TNFRSF14: variants seen among roughly 807,000 people sequenced by gnomAD.
The protein encoded by TNFRSF14 is TNF receptor superfamily member 14.
Under a neutral mutation model 34.1 loss-of-function variants are expected in TNFRSF14, and 18 were observed. The observed-to-expected ratio is 0.53, with a 90% confidence interval of 0.36 to 0.78. The LOEUF is 0.78. TNFRSF14 is among the 30% of genes least tolerant of loss of function. TNFRSF14 has a pLI of 0.00. For missense variants in TNFRSF14, 352 were observed against 379.5 expected (o/e 0.93, Z 0.60); for synonymous variants, 157 against 153.2 (o/e 1.02, Z -0.18).
In TNFRSF14 at chr1:2,561,934, G is replaced by A. The variant is rs1319191255; in HGVS notation, c.694+119G>A. Reference sequence around the variant, plus strand: ...TTCCAGGATCCGCGGCTCCTCCCAGGGCAGCCACTGCAGGCTGGGGCAGGT... The same window carrying A: ...TTCCAGGATCCGCGGCTCCTCCCAGAGCAGCCACTGCAGGCTGGGGCAGGT... On this transcript the variant is annotated intron_variant, in intron 6 of 7. Coordinates refer to ENST00000355716, the MANE Select transcript of TNFRSF14 (RefSeq NM_003820.4). This position sits in a 1 kb window ranked among gnomAD's most constrained non-coding sequence, Gnocchi z 6.0. 6 of 1,139,004 alleles carry A rather than the reference G, an allele frequency of 5.3e-6. No individual in the cohort carries two copies. The highest frequency in any genetic ancestry group is 7.5e-6 in the Non-Finnish European group (6 of 799,366). 70.6% of individuals were successfully genotyped at this position (1,139,004 alleles called of 1,614,324 possible).
chr1:2,560,287 A>G (rs2100854675), intron 4 of TNFRSF14, among the ~76,000 whole-genome samples: 1 of 152,234 alleles, frequency 6.6e-6, no homozygotes, highest in Non-Finnish European at 1.5e-5. Context: ...TATGGGAGTG[A>G]CCATGGTTAA....
At chr1:2,558,824 G>A (rs1021850142) in intron 3 of TNFRSF14, 17 of 1,326,166 alleles carry the variant, frequency 1.3e-5, no homozygotes, top group African/African-American at 7.3e-5. Flanking sequence ...GGGACTCTCC[G>A]GCCGGCACTC....
intron 3 of TNFRSF14, chr1:2,559,060 G>A (rs781746741): frequency 7.3e-7 from 1 of 1,369,326 alleles, no homozygotes; most frequent in Non-Finnish European, 9.6e-7. Flanking sequence ...GCTCAGCATG[G>A]CCAGTGCTCC....
At chr1:2,554,799 G>A (rs909190520), upstream of TNFRSF14, 7 of 152,272 alleles carry the variant, frequency 4.6e-5, no homozygotes, top group African/African-American at 1.7e-4. This position sits in a 1 kb window ranked among gnomAD's most constrained non-coding sequence, Gnocchi z 4.2. Flanking sequence ...GACTCTGGAG[G>A]ACGTATCTGA....
intron 3 of TNFRSF14, chr1:2,559,136 C>A (rs1240559269): frequency 5.1e-6 from 7 of 1,362,244 alleles, no homozygotes; most frequent in Admixed American, 2.2e-5. Flanking sequence ...AGGGCCTGAG[C>A]CTACAGGGAG....
chr1:2,561,664 C>A lies in TNFRSF14; in HGVS notation c.552-9C>A. On this transcript the variant is annotated splice_polypyrimidine_tract_variant and intron_variant, in intron 5 of 7. Coordinates refer to ENST00000355716, the MANE Select transcript of TNFRSF14 (RefSeq NM_003820.4). The surrounding 1 kb of genome is among the most constrained non-coding windows in gnomAD (Gnocchi z 6.0). ...TGCCTCTCCCACGTCCTCGGCCCCA[C>A]TCCCGCAGGTGCAGCTGGCTGGTGA... 1 of 1,612,844 alleles carries A rather than the reference C, an allele frequency of 6.2e-7. No homozygotes were observed. Among genetic ancestry groups the A allele is most frequent in the Non-Finnish European group, 8.5e-7 (1 of 1,179,814 alleles).
rs1416306058 is a variant in TNFRSF14 at position 2,563,278 on chromosome 1, C to T, written c.*5C>T. The T allele has an allele frequency of 6.2e-7, 1 of 1,613,156 alleles. No homozygotes were observed. The highest frequency in any genetic ancestry group is 8.5e-7 in the Non-Finnish European group (1 of 1,179,736). On this transcript the variant is annotated 3_prime_UTR_variant, in exon 8 of 8. Coordinates refer to ENST00000355716, the MANE Select transcript of TNFRSF14 (RefSeq NM_003820.4). ...GGGAGGAGCCCAAACCACTGACCCA[C>T]AGACTCTGCACCCCGACGCCAGAGA... is the stretch of plus-strand genomic sequence containing the variant.
At position 2,561,813 on chromosome 1, in the gene TNFRSF14, G is replaced by A. The variant is rs1644313941; in HGVS notation, c.692G>A (p.Arg231Lys). 1 of 1,613,528 alleles carries A rather than the reference G, an allele frequency of 6.2e-7. No individual in the cohort carries two copies. The change falls in exon 6 of 8, where the codon AGG (arginine) becomes AAG (lysine). Residue 231 changes from arginine (R) to lysine (K), a missense_variant and splice_region_variant. Coordinates refer to ENST00000355716, the MANE Select transcript of TNFRSF14 (RefSeq NM_003820.4). The surrounding 1 kb of genome is among the most constrained non-coding windows in gnomAD (Gnocchi z 6.0). ...ATATGTGTGAAAAGAAGAAAGCCAA[G>A]GGGTGAGCACACGGCGGCCCCATCA... The part of the protein sequence containing the change: ...LIICVKRRKP[R>K]GDVVKVIVSV...
chr1:2,556,107 C>G, upstream of TNFRSF14: 2 of 356,982 alleles, frequency 5.6e-6, no homozygotes, highest in South Asian at 4.6e-5. Flanking sequence ...TGAAATTGGC[C>G]AGACCGCATT....
chr1:2,561,616 G>C lies in TNFRSF14; in HGVS notation c.552-57G>C, dbSNP rs775454253. On this transcript the variant is annotated intron_variant, in intron 5 of 7. Coordinates refer to ENST00000355716, the MANE Select transcript of TNFRSF14 (RefSeq NM_003820.4). The surrounding 1 kb of genome is among the most constrained non-coding windows in gnomAD (Gnocchi z 6.0). ...GGAGCCAGGGAGGCTCCCTGAGGCT[G>C]AGTGAACACTGGGCGCTGCACCTGC... The C allele has an allele frequency of 6.2e-7, 1 of 1,608,884 alleles. No individual in the cohort carries two copies. Among genetic ancestry groups the C allele is most frequent in the South Asian group, 1.1e-5 (1 of 90,788 alleles).
intron 3 of TNFRSF14, chr1:2,559,182 G>A (rs1449749954): frequency 1.5e-6 from 2 of 1,368,194 alleles, no homozygotes; most frequent in South Asian, 2.5e-5. Flanking sequence ...AACAGAAGAG[G>A]AAGCTGGAGT....
At chr1:2,562,471 C>T (rs2100862693) in intron 6 of TNFRSF14, 1 of 328,144 alleles carries the variant, frequency 3.0e-6, no homozygotes, top group East Asian at 7.0e-5. Flanking sequence ...CTCGGGGCCT[C>T]AGGCTCTAGG....
Position 2,563,288 on chromosome 1 carries a change from A to AC in TNFRSF14, c.*19dup, listed in dbSNP as rs542947707. On this transcript the variant is annotated 3_prime_UTR_variant, in exon 8 of 8. Coordinates refer to ENST00000355716, the MANE Select transcript of TNFRSF14 (RefSeq NM_003820.4). ...CAAACCACTGACCCACAGACTCTGC[A>AC]CCCCGACGCCAGAGATACCTGGAGC... 14 of 1,611,926 alleles carry AC rather than the reference A, an allele frequency of 8.7e-6. No individual in the cohort carries two copies. In the South Asian group the frequency reaches 1.3e-4, roughly 15 times the overall value.
At chr1:2,559,348 C>T in intron 3 of TNFRSF14, 1 of 1,375,160 alleles carries the variant, frequency 7.3e-7, no homozygotes, top group Non-Finnish European at 9.6e-7. Context: ...CAGGAGGGGC[C>T]CAGGCCCAGC....
chr1:2,560,079 G>A lies in TNFRSF14; in HGVS notation c.460+101G>A, dbSNP rs1044796719. The A allele has an allele frequency of 1.2e-5, 17 of 1,433,312 alleles. 1 individual carries two copies. The South Asian group carries it at 2.4e-4, about 20-fold the overall frequency. 88.8% of individuals were successfully genotyped at this position (1,433,312 alleles called of 1,614,324 possible). On this transcript the variant is annotated intron_variant, in intron 4 of 7. Coordinates refer to ENST00000355716, the MANE Select transcript of TNFRSF14 (RefSeq NM_003820.4). The stretch of plus-strand genomic sequence containing the variant: ...TCCTCGACGGCATGGCCTGCCCAGG[G>A]GCCCTGGTGAGACAGAACCTTGGCC...
chr1:2,560,748 C>T lies in TNFRSF14; in HGVS notation c.551+34C>T, dbSNP rs758580503. The T allele has an allele frequency of 1.5e-5, 24 of 1,596,518 alleles. No homozygotes were observed. In the South Asian group the frequency reaches 2.3e-4, roughly 15 times the overall value. On this transcript the variant is annotated intron_variant, in intron 5 of 7. Transcript: ENST00000355716. The stretch of plus-strand genomic sequence containing the variant: ...ACCCGGGGGAGGCCCAGCTCTGTGC[C>T]CTGGGGAGGGGGCTCCACGTTGCTT...
In TNFRSF14 at chr1:2,556,635, G is replaced by C. The variant is rs1400945541; in HGVS notation, c.-30G>C. On this transcript the variant is annotated 5_prime_UTR_variant, in exon 1 of 8. Transcript: ENST00000355716. ...TGCTGGAGTTCATCCTGCTAGCTGGGTTCCCGAGCTGCCGGTCTGAGCCTG... is the reference window on the plus strand; with the variant it reads ...TGCTGGAGTTCATCCTGCTAGCTGGCTTCCCGAGCTGCCGGTCTGAGCCTG... 6.2e-7 allele frequency: 1 copy of C among 1,605,040 alleles called. No homozygotes were observed. Among genetic ancestry groups the C allele is most frequent in the Non-Finnish European group, 8.5e-7 (1 of 1,175,630 alleles).
At chr1:2,557,872 G>A (rs1398689683) in intron 2 of TNFRSF14, 38 bp downstream of exon 2, 22 of 1,519,050 alleles carry the variant, frequency 1.4e-5, no homozygotes, top group African/African-American at 9.6e-5. Context: ...TCTGTGGGCC[G>A]AGGGCAGACA....
chr1:2,561,846 T>C lies in TNFRSF14; in HGVS notation c.694+31T>C, dbSNP rs1644314713. The C allele has an allele frequency of 6.2e-7, 1 of 1,605,376 alleles. No homozygotes were observed. Among genetic ancestry groups the C allele is most frequent in the East Asian group, 2.2e-5 (1 of 44,842 alleles). ...CACACGGCGGCCCCATCAGGGCTCATGTCCCCAGCCGTCACCTCTTGGAGC... is the reference window on the plus strand; with the variant it reads ...CACACGGCGGCCCCATCAGGGCTCACGTCCCCAGCCGTCACCTCTTGGAGC... On this transcript the variant is annotated intron_variant, in intron 6 of 7. Coordinates refer to ENST00000355716, the MANE Select transcript of TNFRSF14 (RefSeq NM_003820.4). The surrounding 1 kb of genome is among the most constrained non-coding windows in gnomAD (Gnocchi z 6.0).
Sources: gnomAD v4.1 joint callset for allele counts (sites outside exome capture counted in the v4.1 genomes callset) on GRCh38, gnomAD v4.1.1 for gene constraint, Gnocchi (gnomAD v3.1) non-coding constraint, MANE v1.5 for transcripts, NCBI Gene and HGNC (gene_info 2026-07-23, HGNC 2026-07-21) for gene names.